CDK17: variants seen among roughly 807,000 people sequenced by gnomAD.
CDK17 encodes the protein cyclin dependent kinase 17.
Under a neutral mutation model 77.6 loss-of-function variants are expected in CDK17, and 24 were observed. The ratio of observed to expected loss-of-function variants is 0.31; its 90% CI spans 0.22 to 0.44. The LOEUF (loss-of-function observed/expected upper bound fraction) is 0.44, where lower values mean the gene tolerates loss of function less well. CDK17 is among the 20% of genes least tolerant of loss of function. The probability of loss-of-function intolerance (pLI) is 1.00; values close to 1 mark genes in which losing one functional copy is unlikely to be tolerated. For synonymous variants in CDK17, 203 were observed against 210.4 expected, an observed-to-expected ratio of 0.96 and a Z score of 0.30; for missense variants, 429 against 622.5, an observed-to-expected ratio of 0.69 and a Z score of 3.31.
At chr12:96,382,177 T>C (rs1400402224) in intron 1 of CDK17, among the ~76,000 whole-genome samples, 1 of 151,908 alleles carries the variant, frequency 6.6e-6, no homozygotes, top group Non-Finnish European at 1.5e-5. Flanking sequence ...CGATTTAAAA[T>C]AGTGAAAACA....
chr12:96,283,809 C>G (rs1952208863), intron 13 of CDK17, among the ~76,000 whole-genome samples, 164 bp from the exon 14 acceptor site: 1 of 152,196 alleles, frequency 6.6e-6, no homozygotes, highest in Non-Finnish European at 1.5e-5. Context: ...TCTTAAAAGA[C>G]TGGCCTTGCT....
At chr12:96,282,447 C>A in intron 15 of CDK17, 62 bp downstream of exon 15, 1 of 1,099,150 alleles carries the variant, frequency 9.1e-7, no homozygotes, top group South Asian at 1.3e-5. Context: ...CCCAATCACC[C>A]CAGACCCTAA....
chr12:96,325,891 G>C (rs1952886492), intron 2 of CDK17, among the ~76,000 whole-genome samples: 1 of 152,136 alleles, frequency 6.6e-6, no homozygotes, highest in African/African-American at 2.4e-5. Flanking sequence ...AAGCATGATG[G>C]CATGCACCTG....
At chr12:96,390,011 G>T (rs1193454228) in intron 1 of CDK17, among the ~76,000 whole-genome samples, 1 of 151,900 alleles carries the variant, frequency 6.6e-6, no homozygotes, top group African/African-American at 2.4e-5. Context: ...TGTATTTTTA[G>T]TAGAGACGGG....
At chr12:96,321,941 C>G (rs999388052) in intron 3 of CDK17, among the ~76,000 whole-genome samples, 3 of 150,364 alleles carry the variant, frequency 2.0e-5, no homozygotes, top group Non-Finnish European at 4.4e-5. Context: ...CACATGTACC[C>G]TAAAACTTAA....
intron 2 of CDK17, among the ~76,000 whole-genome samples, chr12:96,328,551 G>C (rs1262274581): frequency 6.6e-6 from 1 of 152,094 alleles, no homozygotes; most frequent in Non-Finnish European, 1.5e-5. Context: ...GTTGGGGGCA[G>C]GGAGGAGACA....
Position 96,292,262 on chromosome 12 carries a change from T to C in CDK17, c.997+2737A>G, listed in dbSNP as rs528297482. On this transcript the variant is annotated intron_variant, in intron 10 of 16. Transcript: ENST00000261211. ...ATTTAATGACAGTGAAGAGTAATAC[T>C]TGAAACACTCATATTTATTAAATTT... is the stretch of plus-strand genomic sequence containing the variant. Among the ~76,000 whole-genome samples the C allele has an allele frequency of 1.1e-4, 16 of 152,244 alleles. No homozygotes were observed. In the South Asian group the frequency reaches 1.7e-3, roughly 16 times the overall value.
chr12:96,290,025 T>A (rs537914061), intron 10 of CDK17, among the ~76,000 whole-genome samples: 1 of 148,554 alleles, frequency 6.7e-6, no homozygotes, highest in East Asian at 2.0e-4. Context: ...CCATGACCTT[T>A]AAAAAAAAAA....
chr12:96,341,377 C>T (rs1953120605), intron 1 of CDK17, among the ~76,000 whole-genome samples: 1 of 151,482 alleles, frequency 6.6e-6, no homozygotes, highest in South Asian at 2.1e-4. Context: ...TACTGCAAAA[C>T]TAATGTTTTT....
intron 10 of CDK17, among the ~76,000 whole-genome samples, chr12:96,294,379 G>A (rs975597975): frequency 1.3e-5 from 2 of 151,708 alleles, no homozygotes; most frequent in Non-Finnish European, 2.9e-5. Context: ...ACCACCTGAG[G>A]TCAGGAGTTC....
At chr12:96,327,205 A>C (rs1952902475) in intron 2 of CDK17, among the ~76,000 whole-genome samples, 1 of 152,176 alleles carries the variant, frequency 6.6e-6, no homozygotes, top group Admixed American at 6.5e-5. Context: ...GATTGGGAGA[A>C]GGGTACAAGT....
Position 96,286,162 on chromosome 12 carries a change from A to C in CDK17, c.1217-14T>G, listed in dbSNP as rs1032635344. 2 of 863,746 alleles carry C rather than the reference A, an allele frequency of 2.3e-6. No individual in the cohort carries two copies. Among genetic ancestry groups the C allele is most frequent in the African/African-American group, 3.6e-5 (2 of 56,256 alleles). The allele number at this position is 863,746 out of a possible 1,614,324, so 53.5% of individuals were successfully genotyped here. A position where few individuals can be genotyped will look rare whatever the true frequency, so the allele number is the denominator to read the frequency against. On this transcript the variant is annotated splice_polypyrimidine_tract_variant and intron_variant, in intron 12 of 16. Coordinates refer to ENST00000261211, the MANE Select transcript of CDK17 (RefSeq NM_002595.5). ...GAGATGGAGTTCCTGAATTAAAAAAAAAAATTAAATATATTTATAAATATA... is the reference window on the plus strand; with the variant it reads ...GAGATGGAGTTCCTGAATTAAAAAACAAAATTAAATATATTTATAAATATA...
intron 1 of CDK17, among the ~76,000 whole-genome samples, chr12:96,354,598 A>G (rs891569686): frequency 6.6e-6 from 1 of 152,138 alleles, no homozygotes; most frequent in African/African-American, 2.4e-5. Context: ...TAGAGCATCC[A>G]ACTGGGCATG....
At chr12:96,307,306 CG>C (rs1680192223) in intron 5 of CDK17, among the ~76,000 whole-genome samples, 1 of 151,740 alleles carries the variant, frequency 6.6e-6, no homozygotes, top group South Asian at 2.1e-4. Context: ...AAAAAAAAAG[CG>C]GGGGAGGTAG....
At chr12:96,298,065 C>T (rs4762295) in intron 7 of CDK17, among the ~76,000 whole-genome samples, 44,544 of 151,968 alleles carry the variant, frequency 0.29, 6,900 homozygotes, top group East Asian at 0.58. Flanking sequence ...CCAAGGCGGG[C>T]GGATCGTGAG....
chr12:96,282,578 A>C lies in CDK17; in HGVS notation c.1387T>G (p.Ser463Ala). Residue 463 changes from serine to alanine, a missense_variant, in exon 15 of 17, where the codon TCA (serine) becomes GCA (alanine). By Grantham distance (99) the Ser-to-Ala change is moderately conservative. This residue lies in a region of CDK17 where 115 missense variants were observed against 124.2 expected (regional missense o/e 0.93). Coordinates refer to ENST00000261211, the MANE Select transcript of CDK17 (RefSeq NM_002595.5). ...ACATGTTTCATGGCCTCTTCAGCTG[A>C]AACCCTTTTCTTAGATTCATACTGT... Reference protein sequence around the residue: ...FLQYESKKRVSAEEAMKHVYF... With the variant: ...FLQYESKKRVAAEEAMKHVYF... The C allele has an allele frequency of 6.2e-7, 1 of 1,612,122 alleles. No homozygotes were observed. Among genetic ancestry groups the C allele is most frequent in the Non-Finnish European group, 8.5e-7 (1 of 1,178,180 alleles).
At chr12:96,280,938 ACAACC>A in intron 15 of CDK17, 53 bp from the exon 16 acceptor site, 1 of 1,383,056 alleles carries the variant, frequency 7.2e-7, no homozygotes, top group Non-Finnish European at 1.0e-6. Flanking sequence ...TAAAACAAAC[ACAACC>A]CTACTATCAA....
chr12:96,340,678 A>T (rs1179130565), intron 1 of CDK17, among the ~76,000 whole-genome samples: 3 of 152,190 alleles, frequency 2.0e-5, no homozygotes, highest in Non-Finnish European at 2.9e-5. Flanking sequence ...TGTGACATAA[A>T]AACTACTACT....
intron 1 of CDK17, among the ~76,000 whole-genome samples, chr12:96,393,576 C>G (rs1441549207): frequency 4.6e-5 from 7 of 151,636 alleles, no homozygotes; most frequent in Admixed American, 2.6e-4. Context: ...CTACTAAAAA[C>G]ACAAAACTTA....
Sources: allele counts gnomAD v4.1 joint callset (sites outside exome capture counted in the v4.1 genomes callset), GRCh38; gene constraint gnomAD v4.1.1; regional missense constraint gnomAD v4.1.1; transcripts MANE v1.5; gene names NCBI Gene and HGNC (gene_info 2026-07-23, HGNC 2026-07-21).